SAMD12: variants seen among roughly 807,000 people sequenced by gnomAD.
SAMD12 encodes the protein sterile alpha motif domain containing 12, also known as sterile alpha motif domain-containing protein 12.
SAMD12 carries 9 observed loss-of-function variants against 15.0 expected under a neutral mutation model. The ratio of observed to expected loss-of-function variants is 0.60; its 90% CI spans 0.36 to 1.05. The LOEUF is 1.05. Ranked by LOEUF, SAMD12 falls within the 50% of genes least tolerant of loss-of-function variation. SAMD12 has a pLI of 0.01. For synonymous variants in SAMD12, 86 were observed against 90.1 expected (o/e 0.96, Z 0.25); for missense variants, 230 against 234.2 (o/e 0.98, Z 0.12).
At chr8:118,439,439 G>C (rs7838543) in intron 3 of SAMD12, among the ~76,000 whole-genome samples, 2,021 of 152,184 alleles carry the variant, frequency 0.013, 34 homozygotes, top group African/African-American at 0.046. Flanking sequence ...CTTTATCTTA[G>C]ACATTTTTTA....
chr8:118,314,580 A>AT (rs1458216767), intron 4 of SAMD12, among the ~76,000 whole-genome samples: 1 of 152,034 alleles, frequency 6.6e-6, no homozygotes, highest in South Asian at 2.1e-4. Context: ...GCAACCAATA[A>AT]TTTTTTTTGC....
the SAMD12 span, among the ~76,000 whole-genome samples, chr8:118,150,733 T>G: frequency 6.6e-6 from 1 of 152,170 alleles, no homozygotes; most frequent in Non-Finnish European, 1.5e-5. Context: ...AGAAGAGTAT[T>G]TATATTTACC....
chr8:118,380,797 T>C (rs760678622), intron 3 of SAMD12, among the ~76,000 whole-genome samples: 3 of 152,204 alleles, frequency 2.0e-5, no homozygotes, highest in Non-Finnish European at 4.4e-5. Context: ...CTTGTGTTGT[T>C]TATGCTTCTA....
At chr8:118,278,399 AG>A (rs1813521444) in intron 4 of SAMD12, among the ~76,000 whole-genome samples, 1 of 152,162 alleles carries the variant, frequency 6.6e-6, no homozygotes, top group Non-Finnish European at 1.5e-5. Context: ...GTTAAGAAAA[AG>A]ACTCTCTTTT....
chr8:118,342,254 AC>A (rs1417512871), intron 4 of SAMD12, among the ~76,000 whole-genome samples: 1 of 138,290 alleles, frequency 7.2e-6, no homozygotes, highest in Non-Finnish European at 1.6e-5. Context: ...ATCATGCCAC[AC>A]TGCACACCAG....
intron 2 of SAMD12, among the ~76,000 whole-genome samples, chr8:118,575,944 A>T (rs1425515514): frequency 6.6e-6 from 1 of 152,166 alleles, no homozygotes; most frequent in African/African-American, 2.4e-5. Flanking sequence ...TCCAATCATC[A>T]GAGCATTTGG....
the SAMD12 span, among the ~76,000 whole-genome samples, chr8:118,132,493 G>A: frequency 2.6e-5 from 4 of 152,148 alleles, no homozygotes; most frequent in Admixed American, 6.5e-5. Context: ...AGAGCATTCC[G>A]AGCATTGGAA....
the SAMD12 span, among the ~76,000 whole-genome samples, chr8:118,172,566 G>A: frequency 1.3e-5 from 2 of 152,202 alleles, no homozygotes; most frequent in African/African-American, 4.8e-5. Flanking sequence ...TTTCTAACTG[G>A]AAGGTACTAT....
At chr8:118,342,367 C>G (rs1263058643) in intron 4 of SAMD12, among the ~76,000 whole-genome samples, 2 of 151,944 alleles carry the variant, frequency 1.3e-5, no homozygotes, top group Non-Finnish European at 2.9e-5. Flanking sequence ...AAATAACAAT[C>G]TTAAAAGTGT....
chr8:118,433,030 G>A (rs1822460526), intron 3 of SAMD12, among the ~76,000 whole-genome samples: 1 of 152,216 alleles, frequency 6.6e-6, no homozygotes, highest in African/African-American at 2.4e-5. Flanking sequence ...ATGTTAGAAA[G>A]GGTAACACAG....
chr8:118,341,664 C>T (rs1817373264), intron 4 of SAMD12, among the ~76,000 whole-genome samples: 1 of 152,134 alleles, frequency 6.6e-6, no homozygotes. Flanking sequence ...TGAGAGAGCT[C>T]TCTGGGACCG....
chr8:118,414,677 A>G (rs904768588), intron 3 of SAMD12, among the ~76,000 whole-genome samples: 1 of 152,192 alleles, frequency 6.6e-6, no homozygotes, highest in Non-Finnish European at 1.5e-5. Context: ...GGATGGCAGT[A>G]ATCCCTTTCA....
At position 118,386,418 on chromosome 8, in the gene SAMD12, G is replaced by T. The variant is rs566704707; in HGVS notation, c.323-6718C>A. On this transcript the variant is annotated intron_variant, in intron 3 of 3. Transcript: ENST00000314727. ...AAAGGCACTTGGGATTGGATTTGGG[G>T]CCCATCTGAACAACCTGAGATAATC... Among the ~76,000 whole-genome samples, 57 of 152,206 alleles carry T rather than the reference G, an allele frequency of 3.7e-4. 3 individuals carry two copies. The highest frequency in any genetic ancestry group is 3.5e-3 in the Admixed American group (54 of 15,280).
chr8:118,274,412 T>A (rs746318580), intron 4 of SAMD12, among the ~76,000 whole-genome samples: 22 of 152,190 alleles, frequency 1.4e-4, no homozygotes, highest in Admixed American at 8.5e-4. Context: ...TCCATCCACA[T>A]TCATAATGAT....
chr8:118,275,983 T>C (rs1813465327), intron 4 of SAMD12, among the ~76,000 whole-genome samples: 2 of 152,214 alleles, frequency 1.3e-5, no homozygotes, highest in South Asian at 4.1e-4. Context: ...GTTAATGCCA[T>C]GTCTTCACTA....
chr8:118,358,117 C>T (rs554724658), intron 4 of SAMD12, among the ~76,000 whole-genome samples: 1 of 152,240 alleles, frequency 6.6e-6, no homozygotes, highest in South Asian at 2.1e-4. Flanking sequence ...TGCACTCCAG[C>T]CTGGGCAGTG....
At chr8:118,371,466 G>C (rs1385996535) in intron 4 of SAMD12, among the ~76,000 whole-genome samples, 1 of 151,998 alleles carries the variant, frequency 6.6e-6, no homozygotes, top group Non-Finnish European at 1.5e-5. Context: ...CACTTCACAA[G>C]CAGAACTCTG....
chr8:118,232,398 C>T (rs1164148511), intron 4 of SAMD12, among the ~76,000 whole-genome samples: 1 of 151,986 alleles, frequency 6.6e-6, no homozygotes, highest in East Asian at 1.9e-4. Flanking sequence ...AAGTAAAGCC[C>T]AGGGCAAGAA....
At chr8:118,435,093 A>G (rs1586714376) in intron 3 of SAMD12, among the ~76,000 whole-genome samples, 1 of 20,950 alleles carries the variant, frequency 4.8e-5, no homozygotes, top group Admixed American at 7.5e-4. Context: ...ACAGAGTGAG[A>G]CTCCATCTCA....
Sources: allele counts gnomAD v4.1 joint callset (sites outside exome capture counted in the v4.1 genomes callset), GRCh38; gene constraint gnomAD v4.1.1; transcripts MANE v1.5; gene names NCBI Gene and HGNC (gene_info 2026-07-23, HGNC 2026-07-21).